CENPW: variants seen among roughly 807,000 people sequenced by gnomAD.
The protein encoded by CENPW is centromere protein W.
CENPW carries 3 observed loss-of-function variants against 11.1 expected under a neutral mutation model. That is an observed-to-expected ratio of 0.27 (90% CI 0.12 to 0.70). The LOEUF (loss-of-function observed/expected upper bound fraction) is 0.70, where lower values mean the gene tolerates loss of function less well. Among genes scored for constraint, CENPW ranks in the 30% least tolerant of loss-of-function variants. CENPW has a pLI of 0.77. For synonymous variants in CENPW, 38 were observed against 42.0 expected (o/e 0.91, Z 0.37); for missense variants, 100 against 105.6 (o/e 0.95, Z 0.23).
the CENPW span, among the ~76,000 whole-genome samples, chr6:126,426,380 C>T: frequency 6.6e-6 from 1 of 152,062 alleles, no homozygotes; most frequent in Non-Finnish European, 1.5e-5. Context: ...GCTACTAGTG[C>T]CTCCTGAAAG....
the CENPW span, among the ~76,000 whole-genome samples, chr6:126,472,310 T>C: frequency 6.6e-6 from 1 of 152,198 alleles, no homozygotes; most frequent in Non-Finnish European, 1.5e-5. Flanking sequence ...TTTGGAATTC[T>C]CTCTGCTCTG....
downstream of CENPW, among the ~76,000 whole-genome samples, chr6:126,349,756 C>T (rs138084730): frequency 0.011 from 1,644 of 152,162 alleles, 15 homozygotes; most frequent in Middle Eastern, 0.051. Flanking sequence ...CAAATAAAAT[C>T]GCTGTGAAGG....
the CENPW span, among the ~76,000 whole-genome samples, chr6:126,378,324 T>G: frequency 6.6e-6 from 1 of 152,136 alleles, no homozygotes; most frequent in Non-Finnish European, 1.5e-5. Flanking sequence ...ATCGATCACT[T>G]GTAGAGTTTT....
chr6:126,401,092 G>C, the CENPW span, among the ~76,000 whole-genome samples: 10 of 151,600 alleles, frequency 6.6e-5, no homozygotes, highest in Non-Finnish European at 1.5e-4. Flanking sequence ...TACTTTTTTT[G>C]TCCCCCAATT....
the CENPW span, among the ~76,000 whole-genome samples, chr6:126,473,229 G>A: frequency 0.011 from 1,617 of 152,148 alleles, 26 homozygotes; most frequent in African/African-American, 0.037. Flanking sequence ...TCACATGTAG[G>A]CCTTTTTGTT....
the CENPW span, among the ~76,000 whole-genome samples, chr6:126,359,143 T>C: frequency 6.6e-6 from 1 of 152,024 alleles, no homozygotes; most frequent in Admixed American, 6.6e-5. Flanking sequence ...TTTTCATTAA[T>C]TTCAAAAAAT....
chr6:126,345,627 G>A (rs1255270015), intron 1 of CENPW, among the ~76,000 whole-genome samples: 2 of 151,790 alleles, frequency 1.3e-5, no homozygotes, highest in South Asian at 2.1e-4. Flanking sequence ...AAAGAGGCTC[G>A]AAGATTATTA....
the CENPW span, among the ~76,000 whole-genome samples, chr6:126,373,349 A>G: frequency 2.6e-5 from 4 of 152,246 alleles, no homozygotes; most frequent in African/African-American, 9.6e-5. Context: ...AACAAATAAC[A>G]CAGAAAATAA....
At chr6:126,452,634 C>T in the CENPW span, among the ~76,000 whole-genome samples, 1 of 150,852 alleles carries the variant, frequency 6.6e-6, no homozygotes, top group Non-Finnish European at 1.5e-5. Flanking sequence ...GCCCCAGGAA[C>T]CTGTGGAGCA....
chr6:126,390,445 G>T, the CENPW span, among the ~76,000 whole-genome samples: 1 of 151,744 alleles, frequency 6.6e-6, no homozygotes, highest in Non-Finnish European at 1.5e-5. Flanking sequence ...ATCCCCTCAA[G>T]CATTTATCTG....
the CENPW span, among the ~76,000 whole-genome samples, chr6:126,370,248 C>A: frequency 3.3e-5 from 5 of 151,718 alleles, no homozygotes; most frequent in Non-Finnish European, 7.4e-5. Context: ...GCTTTGGCTG[C>A]GTGGGATTTT....
chr6:126,464,324 A>G, the CENPW span, among the ~76,000 whole-genome samples: 24 of 152,250 alleles, frequency 1.6e-4, no homozygotes, highest in South Asian at 3.7e-3. Flanking sequence ...AATTTTATCA[A>G]TCTGATAGAG....
At chr6:126,392,728 T>C in the CENPW span, among the ~76,000 whole-genome samples, 4 of 152,064 alleles carry the variant, frequency 2.6e-5, no homozygotes, top group African/African-American at 9.7e-5. Context: ...TGCATTGATA[T>C]TCATCAGGGA....
the CENPW span, among the ~76,000 whole-genome samples, chr6:126,465,520 C>G: frequency 6.6e-6 from 1 of 151,936 alleles, no homozygotes; most frequent in Non-Finnish European, 1.5e-5. Flanking sequence ...TAGAAGTTGA[C>G]AAGCTGATTA....
At chr6:126,437,647 A>G in the CENPW span, among the ~76,000 whole-genome samples, 1 of 151,938 alleles carries the variant, frequency 6.6e-6, no homozygotes, top group Non-Finnish European at 1.5e-5. Flanking sequence ...GTTTCCAAGA[A>G]TCAAAAAATT....
the CENPW span, among the ~76,000 whole-genome samples, chr6:126,470,303 G>T: frequency 2.0e-5 from 3 of 152,206 alleles, no homozygotes; most frequent in Non-Finnish European, 4.4e-5. Flanking sequence ...TACATCTCAG[G>T]CCATTGGTTC....
At chr6:126,472,423 C>G in the CENPW span, among the ~76,000 whole-genome samples, 5 of 152,152 alleles carry the variant, frequency 3.3e-5, no homozygotes, top group Non-Finnish European at 7.4e-5. Context: ...TGTACTCTTT[C>G]TTTTTCTGGC....
chr6:126,435,838 A>G, the CENPW span, among the ~76,000 whole-genome samples: 1 of 151,658 alleles, frequency 6.6e-6, no homozygotes. Context: ...AAAGCCTTGG[A>G]CTCTTAATGC....
the CENPW span, among the ~76,000 whole-genome samples, chr6:126,431,716 C>G: frequency 6.6e-6 from 1 of 152,058 alleles, no homozygotes; most frequent in Non-Finnish European, 1.5e-5. Context: ...ATGCAACCCA[C>G]GTTGTTTCAT....
Sources: allele counts gnomAD v4.1 joint callset (sites outside exome capture counted in the v4.1 genomes callset), GRCh38; gene constraint gnomAD v4.1.1; transcripts MANE v1.5; gene names NCBI Gene and HGNC (gene_info 2026-07-23, HGNC 2026-07-21).